Variants in DPY19L4 observed in about 807,000 individuals in gnomAD.
The protein encoded by DPY19L4 is dpy-19 like 4.
DPY19L4 carries 97 observed loss-of-function variants against 102.8 expected under a neutral mutation model. The observed-to-expected ratio is 0.94, with a 90% CI of 0.80 to 1.12. DPY19L4 has a LOEUF of 1.12. DPY19L4 is among the 50% of genes most tolerant of loss of function. DPY19L4 has a pLI of 0.00. For synonymous variants in DPY19L4, 252 were observed against 283.1 expected, an observed-to-expected ratio of 0.89 and a Z score of 1.10; for missense variants, 815 against 850.4, an observed-to-expected ratio of 0.96 and a Z score of 0.52.
At chr8:94,772,401 C>T (rs759158589) in intron 13 of DPY19L4, among the ~76,000 whole-genome samples, 1 of 152,168 alleles carries the variant, frequency 6.6e-6, no homozygotes, top group South Asian at 2.1e-4. Context: ...TTAGGAAAGT[C>T]ATACTCAAGT....
intron 6 of DPY19L4, among the ~76,000 whole-genome samples, chr8:94,755,461 A>T (rs1812118516): frequency 6.6e-6 from 1 of 152,198 alleles, no homozygotes; most frequent in South Asian, 2.1e-4. Context: ...GGGTCTGTCC[A>T]GAGAAGGCAT....
rs561956904 is a variant in DPY19L4 at position 94,754,936 on chromosome 8, G to A, written c.612-1100G>A. The stretch of plus-strand genomic sequence containing the variant: ...AACAAGTAGCTGGTACTACAGGCAC[G>A]CGCCACCACGGCAGGCTAATTTTTG... On this transcript the variant is annotated intron_variant, in intron 6 of 18. Transcript: ENST00000414645. Among the ~76,000 whole-genome samples, 5 of 152,160 alleles carry A rather than the reference G, an allele frequency of 3.3e-5. No homozygotes were observed. The South Asian group carries it at 8.3e-4, about 25-fold the overall frequency.
chr8:94,763,974 T>G (rs907804209), intron 8 of DPY19L4, among the ~76,000 whole-genome samples: 2 of 152,162 alleles, frequency 1.3e-5, no homozygotes, highest in Non-Finnish European at 2.9e-5. Flanking sequence ...GAGTCTGGCC[T>G]GTTTTTTAGC....
chr8:94,762,767 T>C (rs976176155), intron 8 of DPY19L4, among the ~76,000 whole-genome samples: 5 of 151,670 alleles, frequency 3.3e-5, no homozygotes, highest in African/African-American at 1.2e-4. Flanking sequence ...CTGGGTGGGG[T>C]GGGGGCTGAG....
intron 2 of DPY19L4, among the ~76,000 whole-genome samples, chr8:94,731,567 C>T (rs1810955688): frequency 6.6e-6 from 1 of 152,132 alleles, no homozygotes. Flanking sequence ...AGGCATGCGC[C>T]ACCACACCCA....
intron 6 of DPY19L4, chr8:94,744,382 A>G (rs765760847): frequency 2.2e-6 from 1 of 456,710 alleles, no homozygotes; most frequent in South Asian, 1.5e-5. Context: ...CTTACAGTGA[A>G]TGATCCAAGA....
chr8:94,787,976 A>G lies in DPY19L4; in HGVS notation c.1931A>G (p.Glu644Gly). 3 of 1,522,828 alleles carry G rather than the reference A, an allele frequency of 2.0e-6. No homozygotes were observed. The highest frequency in any genetic ancestry group is 2.6e-5 in the East Asian group (1 of 38,896). 94.3% of individuals were successfully genotyped at this position (1,522,828 alleles called of 1,614,324 possible). ...TSYKANYLIV[E>G]DAICNEVGPM... ...TACAAAGCTAATTACCTAATTGTAGAGGATGCTATCTGCAATGAGGTGGGA... is the reference window on the plus strand; with the variant it reads ...TACAAAGCTAATTACCTAATTGTAGGGGATGCTATCTGCAATGAGGTGGGA... The change falls in exon 18 of 19, where the codon GAG becomes GGG. Residue 644 changes from glutamate (E) to glycine (G), a missense_variant. By Grantham distance (98) the Glu-to-Gly change is moderately conservative (BLOSUM62 -2). Coordinates refer to ENST00000414645, the MANE Select transcript of DPY19L4 (RefSeq NM_181787.3).
In DPY19L4 at chr8:94,789,824, C is replaced by T. The variant is rs2130954460; in HGVS notation, c.2086C>T (p.Pro696Ser). ...FCHEVKINYS[P>S]YVNYFTRVYW... The stretch of plus-strand genomic sequence containing the variant: ...TCATGAGGTCAAAATTAACTATTCT[C>T]CATATGTGAATTATTTCACTAGAGT... Residue 696 changes from proline to serine, a missense_variant, in exon 19 of 19, where the codon CCA becomes TCA. Pro to Ser is a moderately conservative substitution (Grantham distance 74, BLOSUM62 -1). Coordinates refer to ENST00000414645, the MANE Select transcript of DPY19L4 (RefSeq NM_181787.3). 2 of 1,611,578 alleles carry T rather than the reference C, an allele frequency of 1.2e-6. No homozygotes were observed. Among genetic ancestry groups the T allele is most frequent in the African/African-American group, 2.7e-5 (2 of 74,886 alleles).
intron 18 of DPY19L4, 79 bp downstream of exon 18, chr8:94,788,131 C>A: frequency 1.3e-6 from 1 of 743,436 alleles, no homozygotes; most frequent in Non-Finnish European, 1.8e-6. Flanking sequence ...AACTTATAAT[C>A]TTTAAACTTT....
chr8:94,759,062 G>A (rs547343229), intron 7 of DPY19L4, among the ~76,000 whole-genome samples: 14 of 152,176 alleles, frequency 9.2e-5, no homozygotes, highest in African/African-American at 3.4e-4. Flanking sequence ...ATGAAGCCGC[G>A]GACCCTTGTG....
At chr8:94,751,929 A>C (rs1811950967) in intron 6 of DPY19L4, among the ~76,000 whole-genome samples, 1 of 152,126 alleles carries the variant, frequency 6.6e-6, no homozygotes, top group African/African-American at 2.4e-5. Context: ...TATGTTGTTT[A>C]TATTAATAGT....
intron 6 of DPY19L4, among the ~76,000 whole-genome samples, chr8:94,748,630 G>T (rs1811784126): frequency 6.9e-6 from 1 of 144,926 alleles, no homozygotes; most frequent in Non-Finnish European, 1.6e-5. Flanking sequence ...CAATGATGAT[G>T]ATGATGACGA....
intron 1 of DPY19L4, chr8:94,720,263 G>A (rs998690489): frequency 1.0e-6 from 1 of 985,256 alleles, no homozygotes; most frequent in East Asian, 1.1e-4. Context: ...GGAATCCGTA[G>A]CAAGAGAGAA....
intron 1 of DPY19L4, among the ~76,000 whole-genome samples, chr8:94,722,258 T>C (rs900128274): frequency 6.6e-5 from 10 of 151,858 alleles, no homozygotes; most frequent in Middle Eastern, 3.4e-3. Context: ...AATACAAAAG[T>C]TAGCCGGGCA....
intron 8 of DPY19L4, among the ~76,000 whole-genome samples, chr8:94,763,263 T>C (rs1812476443): frequency 6.6e-6 from 1 of 150,902 alleles, no homozygotes; most frequent in Non-Finnish European, 1.5e-5. Context: ...TCTTTTTTTT[T>C]TTTTTTTTTT....
intron 7 of DPY19L4, among the ~76,000 whole-genome samples, chr8:94,759,167 A>C (rs1812292885): frequency 6.6e-6 from 1 of 152,190 alleles, no homozygotes; most frequent in South Asian, 2.1e-4. Flanking sequence ...CTTCCACAGC[A>C]TGGAAGGGGA....
intron 16 of DPY19L4, among the ~76,000 whole-genome samples, chr8:94,783,464 T>G (rs548200436): frequency 1.4e-5 from 1 of 73,284 alleles, no homozygotes; most frequent in East Asian, 6.1e-4. Context: ...TAGAAAAGTT[T>G]CTATATCTTC....
intron 12 of DPY19L4, 128 bp from the exon 13 acceptor site, chr8:94,770,324 C>T (rs1812869717): frequency 1.0e-6 from 1 of 1,001,956 alleles, no homozygotes; most frequent in Admixed American, 3.3e-5. Context: ...TTTAAAAGAT[C>T]ACCTATATTT....
At position 94,734,666 on chromosome 8, in the gene DPY19L4, G is replaced by A; in HGVS notation, c.164G>A (p.Gly55Asp). ...CAACGCTTTGCAAAGATTTTCATTGGCTGTCTTGCAGCGGTTACTAGTGGT... is the reference window on the plus strand; with the variant it reads ...CAACGCTTTGCAAAGATTTTCATTGACTGTCTTGCAGCGGTTACTAGTGGT... The part of the protein sequence containing the change: ...LFQRFAKIFI[G>D]CLAAVTSGMM... The change falls in exon 3 of 19, where the codon GGC (glycine) becomes GAC (aspartate). Residue 55 changes from glycine (G) to aspartate (D), a missense_variant. Transcript: ENST00000414645. The A allele has an allele frequency of 6.2e-7, 1 of 1,613,846 alleles. No homozygotes were observed. Among genetic ancestry groups the A allele is most frequent in the Non-Finnish European group, 8.5e-7 (1 of 1,179,908 alleles).
Sources: gnomAD v4.1 joint callset for allele counts (sites outside exome capture counted in the v4.1 genomes callset) on GRCh38, gnomAD v4.1.1 for gene constraint, MANE v1.5 for transcripts, NCBI Gene and HGNC (gene_info 2026-07-23, HGNC 2026-07-21) for gene names.